The following TBC1D5 variants were observed in gnomAD, a reference collection of about 807,000 sequenced individuals.
TBC1D5 encodes the protein TBC1 domain family, member 5.
In TBC1D5, 75 loss-of-function variants were observed where a neutral mutation model predicts 100.3. The ratio of observed to expected loss-of-function variants is 0.75; its 90% CI spans 0.62 to 0.91. The LOEUF is 0.91. Ranked by LOEUF, TBC1D5 falls within the 40% of genes least tolerant of loss-of-function variation. TBC1D5 has a pLI of 0.00. For missense variants in TBC1D5, 910 were observed against 942.4 expected, an observed-to-expected ratio of 0.97 and a Z score of 0.45; for synonymous variants, 323 against 325.6, an observed-to-expected ratio of 0.99 and a Z score of 0.09.
chr3:17,240,450 C>T (rs1252759538), intron 16 of TBC1D5, among the ~76,000 whole-genome samples: 1 of 152,036 alleles, frequency 6.6e-6, no homozygotes, highest in Non-Finnish European at 1.5e-5. Context: ...AGTGATTATG[C>T]ACCACTTACT....
chr3:17,323,152 C>G (rs1018524684), intron 13 of TBC1D5, among the ~76,000 whole-genome samples: 1 of 152,118 alleles, frequency 6.6e-6, no homozygotes, highest in Non-Finnish European at 1.5e-5. Flanking sequence ...TTAAAAATCA[C>G]AAATTATGTG....
At position 17,364,129 on chromosome 3, in the gene TBC1D5, G is replaced by A. The variant is rs561435564; in HGVS notation, c.995+7946C>T. 5.3e-5 allele frequency among the ~76,000 whole-genome samples: 8 copies of A among 152,088 alleles called. No homozygotes were observed. In the South Asian group the frequency reaches 1.7e-3, roughly 32 times the overall value. ...CTTACAAAATCTATCGTCATTGGAA[G>A]ATAGGCTATTCATGTATGTTTTCTA... On this transcript the variant is annotated intron_variant, in intron 13 of 21. Transcript: ENST00000253692.
At chr3:17,229,006 G>T (rs550140071) in intron 17 of TBC1D5, among the ~76,000 whole-genome samples, 2 of 152,010 alleles carry the variant, frequency 1.3e-5, no homozygotes, top group African/African-American at 2.4e-5. Context: ...TACCAAATTC[G>T]ATAGGAAATA....
At chr3:17,499,320 C>G (rs921549997) in intron 3 of TBC1D5, among the ~76,000 whole-genome samples, 1 of 152,110 alleles carries the variant, frequency 6.6e-6, no homozygotes, top group African/African-American at 2.4e-5. Flanking sequence ...ATGCATAAAT[C>G]AATAAAATGG....
chr3:17,478,900 G>A (rs190804435), intron 3 of TBC1D5, among the ~76,000 whole-genome samples: 1 of 152,270 alleles, frequency 6.6e-6, no homozygotes, highest in East Asian at 1.9e-4. Context: ...AGCAAGCTCA[G>A]CTCAGAGTAA....
At chr3:17,258,713 A>C in intron 15 of TBC1D5, 122 bp from the exon 16 acceptor site, 2 of 620,946 alleles carry the variant, frequency 3.2e-6, no homozygotes, top group Non-Finnish European at 5.0e-6. Flanking sequence ...AAAGTTTAAT[A>C]ATTAGTGTGA....
chr3:17,419,878 T>C lies in TBC1D5; in HGVS notation c.167+8572A>G, dbSNP rs538618771. Among the ~76,000 whole-genome samples the C allele has an allele frequency of 5.7e-4, 87 of 152,160 alleles. 1 individual carries two copies. The South Asian group carries it at 0.017, about 30-fold the overall frequency. ...AATATTTATTTATTTATTTGTCTGTTTGTAGAGATGAGGTCTTGCTTTTTG... is the reference window on the plus strand; with the variant it reads ...AATATTTATTTATTTATTTGTCTGTCTGTAGAGATGAGGTCTTGCTTTTTG... On this transcript the variant is annotated intron_variant, in intron 4 of 21. Coordinates refer to ENST00000253692, the Ensembl canonical transcript of TBC1D5.
rs1355794423 is a variant in TBC1D5, at chr3:17,445,628, A to G, written c.98-17109T>C. Among the ~76,000 whole-genome samples the G allele has an allele frequency of 1.3e-5, 2 of 152,202 alleles. 1 individual carries two copies. The highest frequency in any genetic ancestry group is 2.9e-5 in the Non-Finnish European group (2 of 68,022). On this transcript the variant is annotated intron_variant, in intron 3 of 21. Coordinates refer to ENST00000253692, the Ensembl canonical transcript of TBC1D5. ...GAATAGTACAATAAGATATTTTTGA[A>G]AGAGACTACATTCACTTAACTTTTA...
At chr3:17,384,712 T>C (rs2093082164) in intron 8 of TBC1D5, among the ~76,000 whole-genome samples, 1 of 151,878 alleles carries the variant, frequency 6.6e-6, no homozygotes, top group Non-Finnish European at 1.5e-5. Flanking sequence ...AAGAAAGATA[T>C]GAAGGCACAG....
rs1277734978 is a variant in TBC1D5 at position 17,690,425 on chromosome 3, C to A, written c.-101+48918G>T. On this transcript the variant is annotated intron_variant, in intron 1 of 21. Coordinates refer to ENST00000253692, the Ensembl canonical transcript of TBC1D5. ...TAGAGACGGGGTTTCACCGTTTTAG[C>A]CGGGATGGTCTCGATCTCCTGACCT... Among the ~76,000 whole-genome samples the A allele has an allele frequency of 1.5e-4, 6 of 41,338 alleles. 2 individuals carry two copies. Among genetic ancestry groups the A allele is most frequent in the South Asian group, 2.4e-3 (2 of 842 alleles). 27.1% of individuals were successfully genotyped at this position (41,338 alleles called of 152,430 possible). A position where few individuals can be genotyped will look rare whatever the true frequency, so the allele number is the denominator to read the frequency against.
chr3:17,555,348 G>A (rs1186722045), intron 2 of TBC1D5, among the ~76,000 whole-genome samples: 4 of 152,100 alleles, frequency 2.6e-5, no homozygotes, highest in African/African-American at 7.2e-5. Flanking sequence ...TACGTTTCAG[G>A]GATACATACG....
intron 15 of TBC1D5, among the ~76,000 whole-genome samples, chr3:17,284,285 T>G (rs1442404847): frequency 1.3e-5 from 2 of 152,028 alleles, no homozygotes; most frequent in Non-Finnish European, 2.9e-5. Flanking sequence ...GTCTGGCTAA[T>G]TTTTGTATTT....
chr3:17,515,979 T>G (rs1403015205), intron 2 of TBC1D5, among the ~76,000 whole-genome samples: 1 of 152,196 alleles, frequency 6.6e-6, no homozygotes, highest in Admixed American at 6.5e-5. Context: ...TGCTACAGAT[T>G]CACATTGCAC....
chr3:17,644,256 C>T (rs2064805066), intron 1 of TBC1D5: 1 of 152,004 alleles, frequency 6.6e-6, no homozygotes, highest in Non-Finnish European at 1.5e-5. Context: ...AAACTTTATC[C>T]TCTGTGTTTG....
intron 21 of TBC1D5, among the ~76,000 whole-genome samples, chr3:17,163,027 A>G (rs1200689710): frequency 1.3e-5 from 2 of 152,238 alleles, no homozygotes; most frequent in African/African-American, 4.8e-5. Flanking sequence ...TGGTGCCTCT[A>G]CTTCAGAGAT....
rs563456325 is a variant in TBC1D5, at chr3:17,603,509, G to C, written c.-36+20340C>G. 2.6e-5 allele frequency among the ~76,000 whole-genome samples: 4 copies of C among 152,232 alleles called. No homozygotes were observed. The East Asian group carries it at 7.7e-4, about 29-fold the overall frequency. The stretch of plus-strand genomic sequence containing the variant: ...TGGAATCTACCCTATATGATTAAAA[G>C]GGGGAGGAACTCTCAGTTCCGGAAT... On this transcript the variant is annotated intron_variant, in intron 2 of 21. Coordinates refer to ENST00000253692, the Ensembl canonical transcript of TBC1D5.
chr3:17,408,482 C>T (rs754040715), intron 4 of TBC1D5, among the ~76,000 whole-genome samples: 1 of 151,984 alleles, frequency 6.6e-6, no homozygotes, highest in Non-Finnish European at 1.5e-5. Context: ...CACCATCACA[C>T]CTGGCTACTT....
intron 13 of TBC1D5, among the ~76,000 whole-genome samples, chr3:17,362,906 A>C (rs1378513498): frequency 6.6e-6 from 1 of 152,168 alleles, no homozygotes; most frequent in African/African-American, 2.4e-5. Flanking sequence ...CTACAGTCCA[A>C]TGTCACTACC....
rs2093048734 is a variant in TBC1D5, at chr3:17,383,905, T to G, written c.612+8A>C. The G allele has an allele frequency of 1.3e-6, 2 of 1,586,020 alleles. No homozygotes were observed. The highest frequency in any genetic ancestry group is 1.7e-6 in the Non-Finnish European group (2 of 1,160,632). ...CAATGGATGCCACCTGTAAGATATT[T>G]TCATTACCTGTTTATAAAGCAACTG... On this transcript the variant is annotated splice_region_variant and intron_variant, in intron 9 of 21. Coordinates refer to ENST00000253692, the Ensembl canonical transcript of TBC1D5.
Sources: gnomAD v4.1 joint callset for allele counts (sites outside exome capture counted in the v4.1 genomes callset) on GRCh38, gnomAD v4.1.1 for gene constraint, MANE v1.5 for transcripts, NCBI Gene and HGNC (gene_info 2026-07-23, HGNC 2026-07-21) for gene names.